The following PCDH15 variants were observed in gnomAD, a reference collection of about 807,000 sequenced individuals.
PCDH15 encodes the protein protocadherin related 15, also known as protocadherin-15.
In PCDH15, 129 loss-of-function variants were observed where a neutral mutation model predicts 178.5. That is an observed-to-expected ratio of 0.72 (90% CI 0.63 to 0.84). PCDH15 has a LOEUF of 0.84. Ranked by LOEUF, PCDH15 falls within the 40% of genes least tolerant of loss-of-function variation. The pLI is 0.00. For synonymous variants in PCDH15, 800 were observed against 732.0 expected (o/e 1.09, Z -1.50); for missense variants, 2,230 against 2,099.9 (o/e 1.06, Z -1.21).
At chr10:55,078,320 CT>C (rs1206803614) in intron 2 of PCDH15, among the ~76,000 whole-genome samples, 1 of 152,182 alleles carries the variant, frequency 6.6e-6, no homozygotes, top group Non-Finnish European at 1.5e-5. Context: ...TTGCATCTGT[CT>C]GGGGGATTGC....
At chr10:54,086,761 G>A (rs1179208528) in intron 16 of PCDH15, among the ~76,000 whole-genome samples, 3 of 152,298 alleles carry the variant, frequency 2.0e-5, no homozygotes, top group East Asian at 3.9e-4. Context: ...ATAGGGACAT[G>A]TTCTGCTTTA....
At chr10:54,550,514 T>A (rs1232731106) in intron 2 of PCDH15, among the ~76,000 whole-genome samples, 1 of 130,924 alleles carries the variant, frequency 7.6e-6, no homozygotes, top group Admixed American at 8.3e-5. Context: ...GTGTGTCACA[T>A]GTGCGTGCAC....
At chr10:53,892,020 G>GA (rs1179737574) in intron 26 of PCDH15, among the ~76,000 whole-genome samples, 1 of 91,864 alleles carries the variant, frequency 1.1e-5, no homozygotes, top group South Asian at 4.2e-4. Context: ...TTACATCTAT[G>GA]TTTTTTTTTT....
chr10:54,269,568 T>C (rs550918922), intron 8 of PCDH15, among the ~76,000 whole-genome samples: 1 of 152,008 alleles, frequency 6.6e-6, no homozygotes, highest in Non-Finnish European at 1.5e-5. Flanking sequence ...TTATGAAATA[T>C]GATTCTTCAC....
intron 15 of PCDH15, among the ~76,000 whole-genome samples, chr10:54,105,069 T>C (rs2094886950): frequency 6.6e-6 from 1 of 151,276 alleles, no homozygotes; most frequent in East Asian, 1.9e-4. Context: ...TTGTTCACCA[T>C]ACTATTAGAA....
intron 2 of PCDH15, among the ~76,000 whole-genome samples, chr10:55,050,492 C>T (rs948337031): frequency 6.6e-6 from 1 of 151,894 alleles, no homozygotes; most frequent in Non-Finnish European, 1.5e-5. Flanking sequence ...AATATAATAA[C>T]AAAGTACCTT....
At chr10:54,458,221 G>A (rs1215271555) in intron 3 of PCDH15, among the ~76,000 whole-genome samples, 5 of 151,954 alleles carry the variant, frequency 3.3e-5, no homozygotes. Flanking sequence ...TCAATGTTGG[G>A]CATGAAGCCA....
chr10:55,075,262 T>A (rs1010370258), intron 2 of PCDH15, among the ~76,000 whole-genome samples: 1 of 152,160 alleles, frequency 6.6e-6, no homozygotes, highest in Non-Finnish European at 1.5e-5. Context: ...TGATTCCTTG[T>A]ATTTGTGTGG....
At chr10:54,621,446 A>C (rs1319882886) in intron 2 of PCDH15, among the ~76,000 whole-genome samples, 1 of 151,974 alleles carries the variant, frequency 6.6e-6, no homozygotes, top group Non-Finnish European at 1.5e-5. Context: ...TAAAACCACC[A>C]AATACAAGCT....
At chr10:54,742,705 T>A (rs1011466732) in intron 1 of PCDH15, among the ~76,000 whole-genome samples, 4 of 152,018 alleles carry the variant, frequency 2.6e-5, no homozygotes, top group Non-Finnish European at 5.9e-5. Context: ...AGCTTTTCTT[T>A]AAGGCCTGCA....
intron 2 of PCDH15, among the ~76,000 whole-genome samples, chr10:55,144,016 G>GGA (rs1554834781): frequency 8.7e-5 from 13 of 149,970 alleles, no homozygotes; most frequent in South Asian, 2.1e-4. Context: ...GGTGTAAGGG[G>GGA]AAAAAAAACA....
chr10:54,354,857 G>A (rs947983958), intron 5 of PCDH15, among the ~76,000 whole-genome samples: 11 of 151,904 alleles, frequency 7.2e-5, no homozygotes, highest in African/African-American at 2.7e-4. Context: ...CAAAATATAT[G>A]TATTAAATGG....
chr10:53,826,420 T>G (rs2076683797), intron 32 of PCDH15, among the ~76,000 whole-genome samples: 1 of 151,990 alleles, frequency 6.6e-6, no homozygotes, highest in African/African-American at 2.4e-5. Context: ...TTCATGATTT[T>G]TTAGGCTTTT....
intron 2 of PCDH15, among the ~76,000 whole-genome samples, chr10:55,151,565 C>G (rs750605416): frequency 6.6e-6 from 1 of 152,016 alleles, no homozygotes; most frequent in Non-Finnish European, 1.5e-5. Flanking sequence ...AAAATACCTT[C>G]AGACCTTCAA....
At chr10:54,941,368 G>C (rs567698757) in intron 2 of PCDH15, among the ~76,000 whole-genome samples, 20 of 151,848 alleles carry the variant, frequency 1.3e-4, no homozygotes, top group Non-Finnish European at 2.8e-4. Flanking sequence ...CAAATCTGTT[G>C]AGATTCCCTA....
chr10:53,954,318 T>C (rs550932659), intron 23 of PCDH15, among the ~76,000 whole-genome samples: 5 of 152,324 alleles, frequency 3.3e-5, no homozygotes, highest in South Asian at 4.1e-4. Flanking sequence ...TATTTTACAA[T>C]TTTGGAAGAA....
At chr10:54,829,897 G>A (rs1044607881) in intron 3 of PCDH15, among the ~76,000 whole-genome samples, 3 of 152,054 alleles carry the variant, frequency 2.0e-5, no homozygotes, top group Non-Finnish European at 2.9e-5. Context: ...TCAATGAATG[G>A]AGTACACCTA....
intron 1 of PCDH15, among the ~76,000 whole-genome samples, chr10:55,236,054 C>G (rs1369045428): frequency 6.6e-6 from 1 of 151,822 alleles, no homozygotes; most frequent in Non-Finnish European, 1.5e-5. Flanking sequence ...TCTGGATCAC[C>G]TTAGTCTACC....
At chr10:54,280,385 C>T (rs1028556550) in intron 8 of PCDH15, among the ~76,000 whole-genome samples, 21 of 150,528 alleles carry the variant, frequency 1.4e-4, no homozygotes, top group African/African-American at 4.9e-4. Flanking sequence ...AGATATTTAT[C>T]AAGTCTCTGC....
Sources: gnomAD v4.1 joint callset for allele counts (sites outside exome capture counted in the v4.1 genomes callset) on GRCh38, gnomAD v4.1.1 for gene constraint, MANE v1.5 for transcripts, NCBI Gene and HGNC (gene_info 2026-07-23, HGNC 2026-07-21) for gene names.